The following RERE variants were observed in gnomAD, a reference collection of about 807,000 sequenced individuals.
RERE encodes the protein arginine-glutamic acid dipeptide repeats.
Under a neutral mutation model 146.1 loss-of-function variants are expected in RERE, and 40 were observed. That is an observed-to-expected ratio of 0.27 (90% CI 0.21 to 0.36). RERE has a LOEUF of 0.36. Ranked by LOEUF, RERE falls within the 10% of genes least tolerant of loss-of-function variation. The probability of loss-of-function intolerance (pLI) is 1.00; values close to 1 mark genes in which losing one functional copy is unlikely to be tolerated. For missense variants in RERE, 1,933 were observed against 2,138.7 expected (o/e 0.90, Z 1.90); for synonymous variants, 1,003 against 866.0 (o/e 1.16, Z -2.78).
intron 12 of RERE, among the ~76,000 whole-genome samples, chr1:8,366,970 G>C (rs911056757): frequency 6.9e-6 from 1 of 145,792 alleles, no homozygotes; most frequent in African/African-American, 2.5e-5. Context: ...CCAAGTGAGA[G>C]AGCACAGATC....
In RERE at chr1:8,805,008, G is replaced by GTTTTTTTTTTTT. The variant is rs1186832596; in HGVS notation, c.-145+12140_-145+12151dup. On this transcript the variant is annotated intron_variant, in intron 1 of 22. Coordinates refer to ENST00000400908, the MANE Select transcript of RERE (RefSeq NM_001042681.2). The stretch of plus-strand genomic sequence containing the variant: ...TTTTTTTTGTTTTGTTTTGTTTTTG[G>GTTTTTTTTTTTT]TTTTTTTTTTTTTTTTTTTTGAGAC... Among the ~76,000 whole-genome samples the GTTTTTTTTTTTT allele has an allele frequency of 5.1e-4, 40 of 77,856 alleles. 2 individuals are homozygous for GTTTTTTTTTTTT. The highest frequency in any genetic ancestry group is 8.9e-4 in the Admixed American group (5 of 5,608). The allele number at this position is 77,856 out of a possible 152,430, so 51.1% of individuals were successfully genotyped here.
intron 1 of RERE, chr1:8,750,740 G>A: frequency 2.5e-6 from 2 of 786,746 alleles, no homozygotes; most frequent in Non-Finnish European, 4.6e-6. Flanking sequence ...GAGCCCAGAG[G>A]TCTGAAAGGT....
intron 12 of RERE, among the ~76,000 whole-genome samples, chr1:8,413,569 C>T (rs1273537589): frequency 6.6e-6 from 1 of 151,980 alleles, no homozygotes; most frequent in African/African-American, 2.4e-5. Context: ...GACTTGAACT[C>T]CTGGGCTCAA....
Position 8,360,849 on chromosome 1 carries a change from C to A in RERE, c.2658G>T (p.Gly886=), listed in dbSNP as rs753006785. The change falls in exon 18 of 23, where the codon GGG becomes GGT. Residue 886 remains glycine (G), a synonymous_variant. Coordinates refer to ENST00000400908, the MANE Select transcript of RERE (RefSeq NM_001042681.2). ...PQASQGQAPL[G]TSPAAAYPHT... Reference sequence around the variant, plus strand: ...GAGGGTACGCTGCTGCTGGGGAGGTCCCCAGAGGGGCCTGGCCTTGGGAGG... The same window carrying A: ...GAGGGTACGCTGCTGCTGGGGAGGTACCCAGAGGGGCCTGGCCTTGGGAGG... 1 of 1,538,286 alleles carries A rather than the reference C, an allele frequency of 6.5e-7. No individual in the cohort carries two copies. The highest frequency in any genetic ancestry group is 2.4e-5 in the East Asian group (1 of 41,416).
chr1:8,696,041 G>A (rs989963081), intron 1 of RERE, among the ~76,000 whole-genome samples: 2 of 151,998 alleles, frequency 1.3e-5, no homozygotes, highest in Admixed American at 6.6e-5. Flanking sequence ...ATCGTCTCAC[G>A]CCAGTCAGAA....
At chr1:8,795,681 A>G (rs961120572) in intron 1 of RERE, among the ~76,000 whole-genome samples, 3 of 152,042 alleles carry the variant, frequency 2.0e-5, no homozygotes, top group African/African-American at 7.2e-5. Context: ...TAGTGAAGCC[A>G]GAAGAAACAG....
chr1:8,810,513 G>A (rs1641785777), intron 1 of RERE, among the ~76,000 whole-genome samples: 1 of 152,164 alleles, frequency 6.6e-6, no homozygotes, highest in Admixed American at 6.5e-5. Context: ...GGCTGAGGCA[G>A]GAGGATCATT....
chr1:8,494,987 T>A, intron 10 of RERE, 76 bp downstream of exon 10: 1 of 1,074,220 alleles, frequency 9.3e-7, no homozygotes, highest in Non-Finnish European at 1.4e-6. Context: ...TGCTCCGCAC[T>A]CATCACACAT....
At chr1:8,414,067 A>AAAG (rs1434647783) in intron 12 of RERE, among the ~76,000 whole-genome samples, 3 of 149,814 alleles carry the variant, frequency 2.0e-5, no homozygotes, top group African/African-American at 4.9e-5. Flanking sequence ...AAAAAAAAAA[A>AAAG]AAAAAAGAAA....
At chr1:8,489,275 G>A (rs1644944709) in intron 10 of RERE, among the ~76,000 whole-genome samples, 1 of 151,760 alleles carries the variant, frequency 6.6e-6, no homozygotes, top group Non-Finnish European at 1.5e-5. Flanking sequence ...CAGGAGGATT[G>A]CTTGAGCTCA....
intron 4 of RERE, among the ~76,000 whole-genome samples, chr1:8,585,217 A>G (rs1646413231): frequency 6.6e-6 from 1 of 152,110 alleles, no homozygotes; most frequent in African/African-American, 2.4e-5. Flanking sequence ...GAGAACCAGA[A>G]ATCTGTCTGA....
At chr1:8,713,333 ACT>A (rs1447970654) in intron 1 of RERE, among the ~76,000 whole-genome samples, 1 of 152,174 alleles carries the variant, frequency 6.6e-6, no homozygotes, top group Non-Finnish European at 1.5e-5. Context: ...TAAAAATGAC[ACT>A]CTTGCTTGAA....
chr1:8,786,730 C>T lies in RERE; in HGVS notation c.-145+30430G>A, dbSNP rs6689806. ...AGCTTTTCTTGCCATCCTTGCCATT[C>T]GAATTTCAGTTCTGTACATCTGCCT... On this transcript the variant is annotated intron_variant, in intron 1 of 22. Coordinates refer to ENST00000400908, the MANE Select transcript of RERE (RefSeq NM_001042681.2). The T allele has an allele frequency of 8.0e-4, 624 of 784,458 alleles. 7 individuals carry two copies. The African/African-American group carries it at 8.7e-3, about 11-fold the overall frequency. 48.6% of individuals were successfully genotyped at this position (784,458 alleles called of 1,614,324 possible).
intron 10 of RERE, among the ~76,000 whole-genome samples, chr1:8,483,807 A>C (rs1182970609): frequency 6.6e-6 from 1 of 152,226 alleles, no homozygotes; most frequent in Non-Finnish European, 1.5e-5. Context: ...ATAAGCAAAC[A>C]AACATGTACT....
At chr1:8,443,140 C>G (rs889762619) in intron 11 of RERE, among the ~76,000 whole-genome samples, 1 of 152,192 alleles carries the variant, frequency 6.6e-6, no homozygotes, top group Non-Finnish European at 1.5e-5. Context: ...AAGTTTGGAA[C>G]ATTTGCACCC....
intron 4 of RERE, among the ~76,000 whole-genome samples, chr1:8,567,079 G>A (rs1279553878): frequency 1.3e-5 from 2 of 152,098 alleles, no homozygotes; most frequent in East Asian, 1.9e-4. Context: ...GTGAGGCACC[G>A]CACCCGGCCA....
rs982862988 is a variant in RERE at position 8,750,948 on chromosome 1, T to C, written c.-145+66212A>G. 7 of 731,458 alleles carry C rather than the reference T, an allele frequency of 9.6e-6. No individual in the cohort carries two copies. The African/African-American group carries it at 1.0e-4, about 11-fold the overall frequency. 45.3% of individuals were successfully genotyped at this position (731,458 alleles called of 1,614,324 possible). On this transcript the variant is annotated intron_variant, in intron 1 of 22. Coordinates refer to ENST00000400908, the MANE Select transcript of RERE (RefSeq NM_001042681.2). ...ATTGCTTTGACAGATAACGCTTTGA[T>C]TGCTCTATCTCTTGGTAAATATGGC...
At chr1:8,450,551 C>T (rs1165166176) in intron 11 of RERE, among the ~76,000 whole-genome samples, 2 of 152,158 alleles carry the variant, frequency 1.3e-5, no homozygotes, top group Non-Finnish European at 1.5e-5. Context: ...GCACGACGTC[C>T]CCTAGAGACC....
intron 4 of RERE, among the ~76,000 whole-genome samples, chr1:8,611,045 A>C (rs1646787099): frequency 6.6e-6 from 1 of 151,902 alleles, no homozygotes; most frequent in African/African-American, 2.4e-5. Flanking sequence ...ATACAAAAAA[A>C]ATTGCCAGGT....
Sources: gnomAD v4.1 joint callset for allele counts (sites outside exome capture counted in the v4.1 genomes callset) on GRCh38, gnomAD v4.1.1 for gene constraint, MANE v1.5 for transcripts, NCBI Gene and HGNC (gene_info 2026-07-23, HGNC 2026-07-21) for gene names.